Variants in ERICH1 observed in about 807,000 individuals in gnomAD.
ERICH1 encodes glutamate-rich protein 1.
Under a neutral mutation model 39.6 loss-of-function variants are expected in ERICH1, and 56 were observed. The ratio of observed to expected loss-of-function variants is 1.41; its 90% CI spans 1.14 to 1.77. ERICH1 has a LOEUF of 1.77. ERICH1 is among the 40% of genes most tolerant of loss of function. The pLI is 0.00. For missense variants in ERICH1, 826 were observed against 575.4 expected (o/e 1.44, Z -4.45); for synonymous variants, 313 against 223.6 (o/e 1.40, Z -3.57).
At chr8:628,007 G>T (rs62486187) in intron 3 of ERICH1, among the ~76,000 whole-genome samples, 1 of 152,174 alleles carries the variant, frequency 6.6e-6, no homozygotes, top group African/African-American at 2.4e-5. Context: ...GCAGCAGCAG[G>T]GGCGCCTTCC....
chr8:716,129 A>T, intron 1 of ERICH1, 122 bp from the exon 2 acceptor site: 1 of 1,236,868 alleles, frequency 8.1e-7, no homozygotes, highest in East Asian at 2.7e-5. Flanking sequence ...ACGGAGACCC[A>T]AGTCCCTGGT....
chr8:683,009 T>G (rs185025725), intron 3 of ERICH1, among the ~76,000 whole-genome samples: 11 of 152,328 alleles, frequency 7.2e-5, no homozygotes, highest in Admixed American at 5.9e-4. Flanking sequence ...ATGAAAAGCT[T>G]CCAGTTGCTG....
intron 1 of ERICH1, among the ~76,000 whole-genome samples, chr8:718,837 G>C (rs1253163904): frequency 1.3e-5 from 2 of 152,198 alleles, no homozygotes; most frequent in Admixed American, 1.3e-4. Flanking sequence ...CGCCTGCTCA[G>C]GTGCCACACG....
At chr8:703,800 T>C (rs1812687599) in intron 2 of ERICH1, among the ~76,000 whole-genome samples, 1 of 152,220 alleles carries the variant, frequency 6.6e-6, no homozygotes, top group Non-Finnish European at 1.5e-5. Context: ...AAAGGGGATC[T>C]ATTGGGAGAC....
intron 2 of ERICH1, among the ~76,000 whole-genome samples, chr8:700,628 G>A (rs1222973810): frequency 6.6e-6 from 1 of 152,134 alleles, no homozygotes; most frequent in Non-Finnish European, 1.5e-5. Flanking sequence ...TCACTATCCA[G>A]CTTCCAAGCT....
chr8:618,292 T>G (rs1797057820), intron 3 of ERICH1, among the ~76,000 whole-genome samples: 1 of 152,024 alleles, frequency 6.6e-6, no homozygotes, highest in Non-Finnish European at 1.5e-5. Flanking sequence ...TGGTCCATCC[T>G]CACCACCCTC....
chr8:682,536 G>C (rs1806365189), intron 3 of ERICH1, among the ~76,000 whole-genome samples: 1 of 152,224 alleles, frequency 6.6e-6, no homozygotes, highest in South Asian at 2.1e-4. Flanking sequence ...TCCAGGGCAT[G>C]TGGGAGGTCT....
chr8:699,506 G>A (rs556773529), intron 2 of ERICH1, among the ~76,000 whole-genome samples: 11 of 152,288 alleles, frequency 7.2e-5, no homozygotes, highest in South Asian at 2.1e-4. Context: ...GCTGGGCGCC[G>A]CACCCAGACC....
intron 3 of ERICH1, among the ~76,000 whole-genome samples, chr8:649,779 G>A (rs1037963212): frequency 6.6e-6 from 1 of 152,226 alleles, no homozygotes; most frequent in African/African-American, 2.4e-5. Context: ...TCCACGTGGA[G>A]ACAGAGCAGC....
At chr8:712,609 T>C (rs974213044) in intron 2 of ERICH1, among the ~76,000 whole-genome samples, 1 of 152,162 alleles carries the variant, frequency 6.6e-6, no homozygotes, top group Non-Finnish European at 1.5e-5. Flanking sequence ...TTTTGTATTT[T>C]TAGTAGAGAC....
chr8:691,213 G>C (rs1054492313), intron 3 of ERICH1: 1 of 75,156 alleles, frequency 1.3e-5, no homozygotes, highest in Non-Finnish European at 2.8e-5. Flanking sequence ...AGGGGGCCCG[G>C]GCAACAGGAA....
In ERICH1 at chr8:727,418, G is replaced by T; in HGVS notation, c.22+3722C>A. ...CCCTGAGGTGCAGGAGAAACCAGAA[G>T]ATGACAGGGAGATGGTGAACAGGAA... is the stretch of plus-strand genomic sequence containing the variant. On this transcript the variant is annotated intron_variant, in intron 1 of 5. Coordinates refer to ENST00000262109, the MANE Select transcript of ERICH1 (RefSeq NM_207332.3). Among the ~76,000 whole-genome samples the T allele has an allele frequency of 1.3e-5, 2 of 152,180 alleles. 1 individual carries two copies. Among genetic ancestry groups the T allele is most frequent in the Non-Finnish European group, 2.9e-5 (2 of 68,042 alleles).
At chr8:632,815 T>C (rs936018418) in intron 3 of ERICH1, among the ~76,000 whole-genome samples, 75 of 152,120 alleles carry the variant, frequency 4.9e-4, no homozygotes, top group Non-Finnish European at 5.9e-5. Flanking sequence ...TTTGGCAATG[T>C]GTGGAGTCAT....
intron 3 of ERICH1, among the ~76,000 whole-genome samples, chr8:650,079 A>G (rs1799753613): frequency 1.3e-5 from 2 of 152,218 alleles, no homozygotes; most frequent in Non-Finnish European, 2.9e-5. Context: ...GTGCCGGTTC[A>G]GAAGAACAAG....
chr8:616,860 CAGAG>C (rs1272223434), intron 3 of ERICH1, among the ~76,000 whole-genome samples: 2 of 101,316 alleles, frequency 2.0e-5, no homozygotes, highest in Non-Finnish European at 3.9e-5. Flanking sequence ...CAGAAAGAGA[CAGAG>C]AGAGAGAGGG....
chr8:684,606 G>A (rs1211238771), intron 3 of ERICH1, among the ~76,000 whole-genome samples: 2 of 152,116 alleles, frequency 1.3e-5, no homozygotes, highest in African/African-American at 2.4e-5. Flanking sequence ...TCCAATTTCT[G>A]CCAAGACATC....
At position 715,323 on chromosome 8, in the gene ERICH1, C is replaced by A. The variant is rs562556685; in HGVS notation, c.169+538G>T. 5.8e-4 allele frequency among the ~76,000 whole-genome samples: 89 copies of A among 152,356 alleles called. 2 individuals carry two copies. In the South Asian group the frequency reaches 0.016, roughly 27 times the overall value. On this transcript the variant is annotated intron_variant, in intron 2 of 5. Transcript: ENST00000262109. ...CCCGTGTCTCTCAGCGGGGTCCTCT[C>A]ACAGTCTCACAGGTGAGCGGAGTTG...
intron 1 of ERICH1, 111 bp downstream of exon 1, chr8:731,029 T>A: frequency 7.9e-7 from 1 of 1,262,908 alleles, no homozygotes; most frequent in East Asian, 3.2e-5. Flanking sequence ...CGGTCTGGGT[T>A]TGGGGTGGGG....
At chr8:701,789 CG>C (rs1296288677) in intron 2 of ERICH1, among the ~76,000 whole-genome samples, 3 of 152,058 alleles carry the variant, frequency 2.0e-5, no homozygotes, top group Admixed American at 2.0e-4. Flanking sequence ...AAGACACTGA[CG>C]TTTTTAAAAA....
Sources: allele counts gnomAD v4.1 joint callset (sites outside exome capture counted in the v4.1 genomes callset), GRCh38; gene constraint gnomAD v4.1.1; transcripts MANE v1.5; gene names NCBI Gene and HGNC (gene_info 2026-07-23, HGNC 2026-07-21).